USP22: variants seen among roughly 807,000 people sequenced by gnomAD.
The protein encoded by USP22 is ubiquitin specific peptidase 22.
A neutral mutation model predicts 68.1 loss-of-function variants in USP22; 22 were observed. The observed-to-expected ratio is 0.32, with a 90% CI of 0.23 to 0.46. The LOEUF is 0.46. Ranked by LOEUF, USP22 falls within the 20% of genes least tolerant of loss-of-function variation. The probability of loss-of-function intolerance (pLI) is 1.00; values close to 1 mark genes in which losing one functional copy is unlikely to be tolerated. For synonymous variants in USP22, 279 were observed against 274.2 expected (o/e 1.02, Z -0.17); for missense variants, 433 against 695.8 (o/e 0.62, Z 4.25).
At position 21,021,236 on chromosome 17, in the gene USP22, GA is replaced by G; in HGVS notation, c.305-11del. Reference sequence around the variant, plus strand: ...TACATCAGATCAATGGCTGAGGAGAGAAAGGAGGGAGGAGAAACCAAGTTGA... The same window carrying G: ...TACATCAGATCAATGGCTGAGGAGAGAAGGAGGGAGGAGAAACCAAGTTGA... On this transcript the variant is annotated splice_polypyrimidine_tract_variant and intron_variant, in intron 2 of 12. Transcript: ENST00000261497. The G allele has an allele frequency of 6.3e-7, 1 of 1,585,072 alleles. No homozygotes were observed. Among genetic ancestry groups the G allele is most frequent in the Non-Finnish European group, 8.7e-7 (1 of 1,153,448 alleles).
At chr17:21,025,700 A>AG (rs1482022607) in intron 2 of USP22, among the ~76,000 whole-genome samples, 1 of 152,234 alleles carries the variant, frequency 6.6e-6, no homozygotes, top group African/African-American at 2.4e-5. Flanking sequence ...AATACAACTC[A>AG]GATGAATCAC....
chr17:21,028,504 G>C, intron 2 of USP22, 38 bp downstream of exon 2: 1 of 1,605,962 alleles, frequency 6.2e-7, no homozygotes, highest in South Asian at 1.1e-5. Flanking sequence ...GCAATTTGGG[G>C]GCCACAACTA....
intron 1 of USP22, among the ~76,000 whole-genome samples, chr17:21,042,455 T>C (rs1410751968): frequency 1.1e-5 from 1 of 93,252 alleles, no homozygotes; most frequent in Non-Finnish European, 2.0e-5. Flanking sequence ...GATAGGAAGA[T>C]GAGGAGATAA....
At chr17:21,039,212 A>G (rs557727217) in intron 1 of USP22, among the ~76,000 whole-genome samples, 104 of 151,760 alleles carry the variant, frequency 6.9e-4, no homozygotes, top group Middle Eastern at 3.4e-3. Context: ...CGGCCTCCCA[A>G]CGTGCTGGGA....
chr17:21,002,825 C>G lies in USP22; in HGVS notation c.*206G>C. On this transcript the variant is annotated 3_prime_UTR_variant, in exon 13 of 13. Coordinates refer to ENST00000261497, the MANE Select transcript of USP22 (RefSeq NM_015276.2). ...GCACACCCCTCATCTCATCCATCTT[C>G]AAAGCAGCTCCAGGAGCCTCCCCGT... 1 of 583,486 alleles carries G rather than the reference C, an allele frequency of 1.7e-6. No individual in the cohort carries two copies. The highest frequency in any genetic ancestry group is 1.8e-5 in the South Asian group (1 of 55,450). The allele number at this position is 583,486 out of a possible 1,614,324, so 36.1% of individuals were successfully genotyped here. A position where few individuals can be genotyped will look rare whatever the true frequency, so the allele number is the denominator to read the frequency against.
Position 21,015,781 on chromosome 17 carries a change from G to A in USP22, c.809C>T (p.Ala270Val). The part of the protein sequence containing the change: ...QQDAHEFLIA[A>V]LDVLHRHCKG... Reference sequence around the variant, plus strand: ...GCAGTGTCGGTGGAGCACGTCCAGGGCCGCGATGAGGAACTCGTGGGCGTC... The same window carrying A: ...GCAGTGTCGGTGGAGCACGTCCAGGACCGCGATGAGGAACTCGTGGGCGTC... Residue 270 changes from alanine to valine, a missense_variant, in exon 6 of 13, where the codon GCC (alanine) becomes GTC (valine). By Grantham distance (64) the Ala-to-Val change is moderately conservative. Coordinates refer to ENST00000261497, the MANE Select transcript of USP22 (RefSeq NM_015276.2). 6.2e-7 allele frequency: 1 copy of A among 1,613,612 alleles called. No individual in the cohort carries two copies. Among genetic ancestry groups the A allele is most frequent in the Non-Finnish European group, 8.5e-7 (1 of 1,179,978 alleles).
At position 21,000,122 on chromosome 17, in the gene USP22, A is replaced by C. The variant is rs1311847964; in HGVS notation, c.*2909T>G. The C allele has an allele frequency of 1.3e-5, 2 of 152,188 alleles. No homozygotes were observed. Among genetic ancestry groups the C allele is most frequent in the Admixed American group, 6.5e-5 (1 of 15,280 alleles). 9.4% of individuals were successfully genotyped at this position (152,188 alleles called of 1,614,324 possible). A position where few individuals can be genotyped will look rare whatever the true frequency, so the allele number is the denominator to read the frequency against. On this transcript the variant is annotated 3_prime_UTR_variant, in exon 13 of 13. Coordinates refer to ENST00000261497, the MANE Select transcript of USP22 (RefSeq NM_015276.2). ...TCTCCAAAATGCAGGCCATTTTAAC[A>C]CTGCTGTGAATGTGCTGGGGTCACC...
At chr17:21,037,828 G>T (rs1348663879) in intron 1 of USP22, among the ~76,000 whole-genome samples, 2 of 152,226 alleles carry the variant, frequency 1.3e-5, no homozygotes, top group Non-Finnish European at 2.9e-5. Context: ...TTATATTGAA[G>T]ATAGACTGTA....
chr17:21,017,194 C>T (rs756217256), intron 5 of USP22, among the ~76,000 whole-genome samples: 2 of 152,192 alleles, frequency 1.3e-5, no homozygotes, highest in Non-Finnish European at 2.9e-5. Context: ...CCCACAAAAG[C>T]GACCAGTGAC....
Position 21,005,152 on chromosome 17 carries a change from C to A in USP22, c.1323-162G>T. On this transcript the variant is annotated intron_variant, in intron 10 of 12. Transcript: ENST00000261497. ...AATCTCCCCATGTTTCGTGAGGACA[C>A]TGACGCTCAAGCTGTGGAGGCCCCT... The A allele has an allele frequency of 8.5e-6, 7 of 823,622 alleles. No homozygotes were observed. The South Asian group carries it at 1.2e-4, about 14-fold the overall frequency. The allele number at this position is 823,622 out of a possible 1,614,324, so 51.0% of individuals were successfully genotyped here.
chr17:21,032,511 G>A (rs542723765), intron 1 of USP22, among the ~76,000 whole-genome samples: 27 of 152,298 alleles, frequency 1.8e-4, no homozygotes, highest in African/African-American at 6.3e-4. Context: ...TATTTTGGAC[G>A]TCCAGTCTCA....
At chr17:21,035,636 G>A (rs1232841203) in intron 1 of USP22, among the ~76,000 whole-genome samples, 2 of 152,060 alleles carry the variant, frequency 1.3e-5, no homozygotes, top group Non-Finnish European at 2.9e-5. Flanking sequence ...TAAAGTAGAA[G>A]CAAAAAACTG....
Position 21,004,226 on chromosome 17 carries a change from A to T in USP22, c.1511T>A (p.Ile504Asn). The change falls in exon 12 of 13, where the codon ATC (isoleucine) becomes AAC (asparagine). Residue 504 changes from isoleucine to asparagine, a missense_variant. Coordinates refer to ENST00000261497, the MANE Select transcript of USP22 (RefSeq NM_015276.2). ...CDDAIITKAS[I>N]KDVLDSEGYL... ...CCCTTCGCTGTCCAGGACGTCCTTG[A>T]TGCTGGCCTTGGTGATGATGGCATC... 6.2e-7 allele frequency: 1 copy of T among 1,614,162 alleles called. No individual in the cohort carries two copies. Among genetic ancestry groups the T allele is most frequent in the Non-Finnish European group, 8.5e-7 (1 of 1,180,006 alleles).
intron 1 of USP22, among the ~76,000 whole-genome samples, chr17:21,038,103 G>C (rs991734952): frequency 5.3e-5 from 8 of 152,114 alleles, no homozygotes; most frequent in Non-Finnish European, 8.8e-5. Flanking sequence ...ATTCCTCAAA[G>C]AAACAAAGTT....
chr17:21,024,573 A>G (rs9896301), intron 2 of USP22, among the ~76,000 whole-genome samples: 114,540 of 152,104 alleles, frequency 0.75, 43,559 homozygotes, highest in South Asian at 0.82. Flanking sequence ...AGAACCAGAA[A>G]TATAAAACTC....
At chr17:21,014,250 C>T (rs1914062955) in intron 6 of USP22, among the ~76,000 whole-genome samples, 1 of 152,140 alleles carries the variant, frequency 6.6e-6, no homozygotes, top group African/African-American at 2.4e-5. Context: ...GGAATTCTGT[C>T]AGAAGCACGT....
intron 1 of USP22, among the ~76,000 whole-genome samples, chr17:21,037,678 T>C (rs1183640719): frequency 1.3e-5 from 2 of 152,186 alleles, no homozygotes; most frequent in African/African-American, 4.8e-5. Flanking sequence ...CTCAAAGTAA[T>C]GTGGGATTCT....
chr17:21,027,292 C>CAAAAAAACAAAAAAAAAAAAAA (rs1972233394), intron 2 of USP22, among the ~76,000 whole-genome samples: 1 of 72,300 alleles, frequency 1.4e-5, no homozygotes. Context: ...ACCCTGTCTC[C>CAAAAAAACAAAAAAAAAAAAAA]AAAAAAAAAA....
chr17:21,042,604 G>A, intron 1 of USP22, 61 bp downstream of exon 1: 8 of 1,257,590 alleles, frequency 6.4e-6, no homozygotes, highest in Non-Finnish European at 8.0e-6. Flanking sequence ...CCCCTCCGCC[G>A]GCCGGCCTCA....
Sources: gnomAD v4.1 joint callset for allele counts (sites outside exome capture counted in the v4.1 genomes callset) on GRCh38, gnomAD v4.1.1 for gene constraint, MANE v1.5 for transcripts, NCBI Gene and HGNC (gene_info 2026-07-23, HGNC 2026-07-21) for gene names.